TTN: variants seen among roughly 807,000 people sequenced by gnomAD.
TTN encodes connectin.
Under a neutral mutation model 3,223.0 loss-of-function variants are expected in TTN, and 1,525 were observed. The observed-to-expected ratio is 0.47, with a 90% CI of 0.45 to 0.49. The LOEUF (loss-of-function observed/expected upper bound fraction) is 0.49, where lower values mean the gene tolerates loss of function less well. Ranked by LOEUF, TTN falls within the 20% of genes least tolerant of loss-of-function variation. The probability of loss-of-function intolerance (pLI) is 0.00; values close to 1 mark genes in which losing one functional copy is unlikely to be tolerated. For synonymous variants in TTN, 14,094 were observed against 15,161.0 expected, an observed-to-expected ratio of 0.93 and a Z score of 5.17; for missense variants, 40,786 against 43,424.0, an observed-to-expected ratio of 0.94 and a Z score of 5.40.
At chr2:178,707,218 C>T (rs912840369) in intron 100 of TTN, among the ~76,000 whole-genome samples, 3 of 152,176 alleles carry the variant, frequency 2.0e-5, no homozygotes. Context: ...TGTATCACAA[C>T]AGCCTACTTT....
chr2:178,669,436 G>T lies in TTN; in HGVS notation c.35482C>A (p.Pro11828Thr). The T allele has an allele frequency of 1.3e-6, 2 of 1,530,682 alleles. No homozygotes were observed. The allele number at this position is 1,530,682 out of a possible 1,614,324, so 94.8% of individuals were successfully genotyped here. Residue 11828 changes from proline (P) to threonine (T), a missense_variant, in exon 159 of 363, where the codon CCT becomes ACT. Coordinates refer to ENST00000589042, the MANE Select transcript of TTN (RefSeq NM_001267550.2). ...TTTTCTTCTTGAACACTTTTCTTAG[G>T]CATCCCAGGAACTTTAAAGATATTA... ...EVPPAKVPGMPKKSVQEEKSP... is the reference protein window; with the variant it reads ...EVPPAKVPGMTKKSVQEEKSP...
In TTN at chr2:178,548,497, G is replaced by C. The variant is rs758336721; in HGVS notation, c.93129C>G (p.Asp31043Glu). ...ATLMWDAPLL[D>E]GGARIHHYVV... ...CATAATGATGGATTCGGGCACCACC[G>C]TCAAGAAGAGGGGCATCCCACATCA... Residue 31043 changes from aspartate to glutamate, a missense_variant, in exon 339 of 363, where the codon GAC becomes GAG. Coordinates refer to ENST00000589042, the MANE Select transcript of TTN (RefSeq NM_001267550.2). The surrounding 1 kb of genome is among the most constrained non-coding windows in gnomAD (Gnocchi z 4.3). The C allele has an allele frequency of 2.5e-6, 4 of 1,613,718 alleles. No homozygotes were observed. The Admixed American group carries it at 6.7e-5, about 27-fold the overall frequency.
Position 178,584,653 on chromosome 2 carries a change from C to T in TTN, c.64972+16G>A. ...TAGAAAGAAAACAACTTTTTTTCTC[C>T]TTCACAAAAACATACCAAATGGGAA... On this transcript the variant is annotated intron_variant, in intron 310 of 362. Transcript: ENST00000589042. The T allele has an allele frequency of 6.2e-7, 1 of 1,606,930 alleles. No individual in the cohort carries two copies. Among genetic ancestry groups the T allele is most frequent in the South Asian group, 1.1e-5 (1 of 89,400 alleles).
chr2:178,636,456 G>T lies in TTN; in HGVS notation c.41271C>A (p.Thr13757=), dbSNP rs2060453699. 6.2e-7 allele frequency: 1 copy of T among 1,613,078 alleles called. No homozygotes were observed. The highest frequency in any genetic ancestry group is 1.3e-5 in the African/African-American group (1 of 74,862). The change falls in exon 225 of 363, where the codon ACC becomes ACA. Residue 13757 remains threonine (T), a synonymous_variant. Coordinates refer to ENST00000589042, the MANE Select transcript of TTN (RefSeq NM_001267550.2). This position sits in a 1 kb window ranked among gnomAD's most constrained non-coding sequence, Gnocchi z 4.3. The part of the protein sequence containing the change: ...DVQLSDAGEY[T]CVLRLGNKEK... ...CTTTGTTTCCCAAACGTAAAACACA[G>T]GTGTATTCACCAGCATCGGAAAGTT...
At chr2:178,650,668 T>C (rs1284137986) in intron 209 of TTN, 83 bp downstream of exon 209, 1 of 1,248,264 alleles carries the variant, frequency 8.0e-7, no homozygotes, top group Non-Finnish European at 1.1e-6. Flanking sequence ...CAAGAAATAA[T>C]GAGTTAGGAA....
intron 40 of TTN, 140 bp downstream of exon 40, chr2:178,767,619 G>C: frequency 8.0e-7 from 1 of 1,243,752 alleles, no homozygotes; most frequent in East Asian, 2.5e-5. Flanking sequence ...GCATAAGAGA[G>C]TCTAAGCCAA....
chr2:178,593,458 C>A lies in TTN; in HGVS notation c.58750G>T (p.Asp19584Tyr), dbSNP rs765734391. The A allele has an allele frequency of 1.2e-6, 2 of 1,610,836 alleles. No homozygotes were observed. The highest frequency in any genetic ancestry group is 2.2e-5 in the South Asian group (2 of 89,826). ...KDRFRVPDAPDQPIVTEVTKD... is the reference protein window; with the variant it reads ...KDRFRVPDAPYQPIVTEVTKD... Reference sequence around the variant, plus strand: ...GTAACTTCTGTAACAATTGGCTGATCAGGTGCATCAGGAACCCCTGTAACA... The same window carrying A: ...GTAACTTCTGTAACAATTGGCTGATAAGGTGCATCAGGAACCCCTGTAACA... Residue 19584 changes from aspartate (D) to tyrosine (Y), a missense_variant, in exon 299 of 363, where the codon GAT (aspartate) becomes TAT (tyrosine). Transcript: ENST00000589042.
chr2:178,802,451 T>C, intron 2 of TTN, 110 bp from the exon 3 acceptor site: 2 of 1,246,370 alleles, frequency 1.6e-6, no homozygotes, highest in Non-Finnish European at 2.3e-6. Flanking sequence ...CTTTCCAGCA[T>C]GGAATGCCAC....
In TTN at chr2:178,769,749, G is replaced by A. The variant is rs773424866; in HGVS notation, c.8832C>T (p.Ser2944=). 1.2e-6 allele frequency: 2 copies of A among 1,613,986 alleles called. No individual in the cohort carries two copies. Among genetic ancestry groups the A allele is most frequent in the Middle Eastern group, 1.7e-4 (1 of 6,060 alleles). ...KLHQLIIMNT[S]TEDSAEYTFV... ...ATGTGTATTCTGCCGAGTCCTCTGTGCTGGTGTTCATGATGATCAGCTGAT... is the reference window on the plus strand; with the variant it reads ...ATGTGTATTCTGCCGAGTCCTCTGTACTGGTGTTCATGATGATCAGCTGAT... The change falls in exon 37 of 363, where the codon AGC becomes AGT. Residue 2944 remains serine (S), a synonymous_variant. Coordinates refer to ENST00000589042, the MANE Select transcript of TTN (RefSeq NM_001267550.2).
At chr2:178,754,601 T>C (rs1002866481) in intron 46 of TTN, among the ~76,000 whole-genome samples, 1 of 152,080 alleles carries the variant, frequency 6.6e-6, no homozygotes, top group Non-Finnish European at 1.5e-5. Context: ...CAACTCCCAA[T>C]TACATTACTG....
In TTN at chr2:178,620,249, G is replaced by T. The variant is rs879139686; in HGVS notation, c.46272C>A (p.Tyr15424Ter). ...CTTCTTTGATTTCTCTCCCATTTCT[G>T]TACCATTTTACATTGGCTTTCTCTC... is the stretch of plus-strand genomic sequence containing the variant. ...LSREKANVKW[Y>*]RNGREIKEGK... is the part of the protein sequence containing the mutation. The change falls in exon 248 of 363, where the codon TAC (tyrosine) becomes TAA (stop). Residue 15424 changes from tyrosine to a stop codon, truncating the protein, a stop_gained. Coordinates refer to ENST00000589042, the MANE Select transcript of TTN (RefSeq NM_001267550.2). LOFTEE classifies it high-confidence loss of function. 2 of 1,539,832 alleles carry T rather than the reference G, an allele frequency of 1.3e-6. No homozygotes were observed. The highest frequency in any genetic ancestry group is 8.7e-7 in the Non-Finnish European group (1 of 1,147,296).
rs727505150 is a variant in TTN at position 178,552,491 on chromosome 2, G to A, written c.90409C>T (p.Pro30137Ser). ...ATTCTCACAGTGACTTGTGCCCCAG[G>A]GATATCTGACAGGTCAACTTCAGGT... The part of the protein sequence containing the change: ...ITPEVDLSDI[P>S]GAQVTVRIGH... The change falls in exon 335 of 363, where the codon CCT becomes TCT. Residue 30137 changes from proline to serine, a missense_variant. Pro to Ser is a moderately conservative substitution (Grantham distance 74). Coordinates refer to ENST00000589042, the MANE Select transcript of TTN (RefSeq NM_001267550.2). 2 of 1,612,704 alleles carry A rather than the reference G, an allele frequency of 1.2e-6. No individual in the cohort carries two copies. Among genetic ancestry groups the A allele is most frequent in the Non-Finnish European group, 1.7e-6 (2 of 1,178,958 alleles).
At chr2:178,672,360 G>A in intron 154 of TTN, 47 bp downstream of exon 154, 1 of 1,598,026 alleles carries the variant, frequency 6.3e-7, no homozygotes, top group Non-Finnish European at 8.5e-7. Flanking sequence ...CTGAATAAAG[G>A]ATTGCATGCA....
chr2:178,801,922 A>C (rs1199818860), intron 3 of TTN, among the ~76,000 whole-genome samples: 2 of 152,226 alleles, frequency 1.3e-5, no homozygotes, highest in Non-Finnish European at 2.9e-5. Flanking sequence ...GTGTATTGAG[A>C]AACTGATTCT....
In TTN at chr2:178,567,367, A is replaced by G. The variant is rs1297388621; in HGVS notation, c.78765T>C (p.Asp26255=). Residue 26255 remains aspartate (D), a synonymous_variant, in exon 326 of 363, where the codon GAT becomes GAC. Coordinates refer to ENST00000589042, the MANE Select transcript of TTN (RefSeq NM_001267550.2). ...TDFKALLIVK[D]AIRIDGGQYI... is the part of the protein sequence containing the mutation. The stretch of plus-strand genomic sequence containing the variant: ...ACTGCCCACCATCAATTCTAATTGC[A>G]TCTTTTACAATAAGTAAAGCCTTGA... The G allele has an allele frequency of 6.3e-7, 1 of 1,594,334 alleles. No homozygotes were observed. Among genetic ancestry groups the G allele is most frequent in the South Asian group, 1.2e-5 (1 of 86,936 alleles).
chr2:178,679,415 C>T lies in TTN; in HGVS notation c.33666G>A (p.Val11222=). 2 of 1,612,266 alleles carry T rather than the reference C, an allele frequency of 1.2e-6. No homozygotes were observed. Among genetic ancestry groups the T allele is most frequent in the Non-Finnish European group, 8.5e-7 (1 of 1,178,974 alleles). The change falls in exon 142 of 363, where the codon GTG becomes GTA. Residue 11222 remains valine (V), a splice_region_variant and synonymous_variant. Coordinates refer to ENST00000589042, the MANE Select transcript of TTN (RefSeq NM_001267550.2). ...PKKKEAPPAK[V]PEVPKKPEEK... ...CCTCTGGCTTCTTAGGAACCTCAGG[C>T]ACTTTAAAGATATTGTTTATTGTTA...
chr2:178,777,653 A>C (rs1188882301), intron 25 of TTN, 51 bp downstream of exon 25: 2 of 1,613,624 alleles, frequency 1.2e-6, no homozygotes, highest in African/African-American at 1.3e-5. Flanking sequence ...TGCATACATA[A>C]GCTTGTTTTT....
rs868130687 is a variant in TTN at position 178,704,280 on chromosome 2, G to A, written c.30090C>T (p.Pro10030=). The change falls in exon 106 of 363, where the codon CCC becomes CCT. Residue 10030 remains proline, a synonymous_variant. Transcript: ENST00000589042. The stretch of plus-strand genomic sequence containing the variant: ...CCACTTCTGTTTTATGTCTACCTTG[G>A]GGTTTAAGGATTCTGCCATTTCTGA... ...EWFRNGRILK[P]QGRHKTEVEH... is the part of the protein sequence containing the mutation. 1 of 1,613,948 alleles carries A rather than the reference G, an allele frequency of 6.2e-7. No individual in the cohort carries two copies. The highest frequency in any genetic ancestry group is 8.5e-7 in the Non-Finnish European group (1 of 1,179,880).
chr2:178,757,175 C>CTTTCT (rs879685966), intron 45 of TTN, among the ~76,000 whole-genome samples: 1 of 149,616 alleles, frequency 6.7e-6, no homozygotes, highest in African/African-American at 2.5e-5. Flanking sequence ...TAATACTGTA[C>CTTTCT]TTACTTTAAG....
Sources: allele counts gnomAD v4.1 joint callset (sites outside exome capture counted in the v4.1 genomes callset), GRCh38; gene constraint gnomAD v4.1.1; non-coding constraint Gnocchi (gnomAD v3.1); transcripts MANE v1.5; gene names NCBI Gene and HGNC (gene_info 2026-07-23, HGNC 2026-07-21).